Variants in PDZD2 observed in about 807,000 individuals in gnomAD.
PDZD2 encodes PDZ domain containing 2.
Under a neutral mutation model 220.7 loss-of-function variants are expected in PDZD2, and 90 were observed. The ratio of observed to expected loss-of-function variants is 0.41; its 90% CI spans 0.34 to 0.49. The LOEUF (loss-of-function observed/expected upper bound fraction) is 0.49, where lower values mean the gene tolerates loss of function less well. Ranked by LOEUF, PDZD2 falls within the 20% of genes least tolerant of loss-of-function variation. The pLI, the probability that PDZD2 is intolerant of heterozygous loss-of-function variation, is 0.28. For synonymous variants in PDZD2, 1,375 were observed against 1,450.5 expected, an observed-to-expected ratio of 0.95 and a Z score of 1.18; for missense variants, 3,174 against 3,608.5, an observed-to-expected ratio of 0.88 and a Z score of 3.08.
intron 1 of PDZD2, among the ~76,000 whole-genome samples, chr5:31,691,340 A>C (rs1362272181): frequency 1.3e-5 from 2 of 152,152 alleles, no homozygotes; most frequent in Non-Finnish European, 2.9e-5. Context: ...TCATAAAGGC[A>C]GTGTGGACCC....
chr5:31,735,990 A>G (rs2150160490), intron 1 of PDZD2, among the ~76,000 whole-genome samples: 1 of 152,128 alleles, frequency 6.6e-6, no homozygotes, highest in South Asian at 2.1e-4. Flanking sequence ...TATAGAGCAC[A>G]AAGGAATTCT....
intron 1 of PDZD2, among the ~76,000 whole-genome samples, chr5:31,788,908 A>T (rs1753542116): frequency 6.6e-6 from 1 of 152,202 alleles, no homozygotes; most frequent in Admixed American, 6.5e-5. Flanking sequence ...CGAGGCAGGA[A>T]CTCAGTAATA....
chr5:31,692,538 AT>A (rs905645007), intron 1 of PDZD2, among the ~76,000 whole-genome samples: 25 of 152,260 alleles, frequency 1.6e-4, no homozygotes, highest in Middle Eastern at 6.8e-3. Flanking sequence ...AGCCTGACTC[AT>A]TTTCCAACCC....
intron 2 of PDZD2, among the ~76,000 whole-genome samples, chr5:31,885,051 G>A (rs545517136): frequency 3.0e-4 from 45 of 151,380 alleles, no homozygotes; most frequent in Non-Finnish European, 5.7e-4. Context: ...AATAGATGAT[G>A]GATTAAGTGA....
chr5:31,942,101 C>T (rs147886930), intron 2 of PDZD2, among the ~76,000 whole-genome samples: 88 of 152,232 alleles, frequency 5.8e-4, no homozygotes, highest in African/African-American at 2.1e-3. Context: ...TTTTTAAAAT[C>T]GTTTTTACTC....
chr5:31,907,857 G>A (rs1294792620), intron 2 of PDZD2, among the ~76,000 whole-genome samples: 3 of 152,072 alleles, frequency 2.0e-5, no homozygotes, highest in Non-Finnish European at 4.4e-5. Context: ...GGCTGAGGCG[G>A]GCAGATTACG....
intron 21 of PDZD2, among the ~76,000 whole-genome samples, chr5:32,094,269 T>G (rs1743441611): frequency 6.6e-6 from 1 of 152,158 alleles, no homozygotes; most frequent in Admixed American, 6.5e-5. Flanking sequence ...ACAATAAACA[T>G]TGACAGAAGA....
intron 2 of PDZD2, among the ~76,000 whole-genome samples, chr5:31,934,607 T>TAAAAAAAA (rs5867117): frequency 8.5e-6 from 1 of 118,080 alleles, no homozygotes; most frequent in African/African-American, 3.3e-5. Flanking sequence ...ACCATCTAAT[T>TAAAAAAAA]AAAAAAAAAA....
Position 31,646,615 on chromosome 5 carries a change from AC to A in PDZD2, c.-361+7181del, listed in dbSNP as rs1173044062. Among the ~76,000 whole-genome samples the A allele has an allele frequency of 2.6e-5, 4 of 151,978 alleles. No homozygotes were observed. The highest frequency in any genetic ancestry group is 1.9e-4 in the East Asian group (1 of 5,190). On this transcript the variant is annotated intron_variant, in intron 1 of 24. Coordinates refer to ENST00000438447, the MANE Select transcript of PDZD2 (RefSeq NM_178140.4). This position sits in a 1 kb window ranked among gnomAD's most constrained non-coding sequence, Gnocchi z 4.7. ...GAACACCCCCCACCACCCGCCCAAC[AC>A]CCTCTTTCTGGCACAGTGTGTTTTA...
chr5:31,923,896 A>AGCTT (rs1744511265), intron 2 of PDZD2, among the ~76,000 whole-genome samples: 1 of 152,048 alleles, frequency 6.6e-6, no homozygotes, highest in Non-Finnish European at 1.5e-5. Flanking sequence ...TCCCCTGTCA[A>AGCTT]ATGAGAAGAA....
intron 6 of PDZD2, among the ~76,000 whole-genome samples, chr5:32,022,155 TGTC>T (rs1754247499): frequency 6.6e-6 from 1 of 151,926 alleles, no homozygotes; most frequent in African/African-American, 2.4e-5. Flanking sequence ...TTTCTGTACT[TGTC>T]TTCTTCTTTT....
chr5:31,900,901 G>A (rs1742036899), intron 2 of PDZD2, among the ~76,000 whole-genome samples: 1 of 152,098 alleles, frequency 6.6e-6, no homozygotes, highest in Admixed American at 6.5e-5. Flanking sequence ...AAAGGATTTT[G>A]CTGATAAATT....
chr5:32,000,603 C>T lies in PDZD2; in HGVS notation c.1254+332C>T, dbSNP rs1004470844. On this transcript the variant is annotated intron_variant, in intron 5 of 24. Coordinates refer to ENST00000438447, the MANE Select transcript of PDZD2 (RefSeq NM_178140.4). This position sits in a 1 kb window ranked among gnomAD's most constrained non-coding sequence, Gnocchi z 4.5. ...TCGGCTCACCGCAACCTCCACCTTC[C>T]GGATTCAAGCAGTTCTCCTGCCTCA... 5.3e-5 allele frequency among the ~76,000 whole-genome samples: 8 copies of T among 152,118 alleles called. No homozygotes were observed. Among genetic ancestry groups the T allele is most frequent in the African/African-American group, 1.9e-4 (8 of 41,406 alleles).
chr5:31,740,587 T>C lies in PDZD2; in HGVS notation c.-360-58302T>C, dbSNP rs530615338. Among the ~76,000 whole-genome samples the C allele has an allele frequency of 2.5e-4, 37 of 147,766 alleles. 1 individual carries two copies. In the South Asian group the frequency reaches 8.0e-3, roughly 32 times the overall value. ...GCTGTTGTCTGCAGCTGACCTGGGC[T>C]TAAGGGTTTTGGTACCCACTGACTG... On this transcript the variant is annotated intron_variant, in intron 1 of 24. Transcript: ENST00000438447.
intron 21 of PDZD2, 36 bp downstream of exon 21, chr5:32,093,060 G>A: frequency 9.0e-7 from 1 of 1,112,542 alleles, no homozygotes. Flanking sequence ...AACATGAATT[G>A]CGGCCGCGTG....
At chr5:31,792,941 C>A (rs1476806753) in intron 1 of PDZD2, among the ~76,000 whole-genome samples, 1 of 152,010 alleles carries the variant, frequency 6.6e-6, no homozygotes, top group Non-Finnish European at 1.5e-5. Context: ...CCGGTTCAAG[C>A]AATTCTCCTG....
At chr5:31,781,508 T>C (rs1753062560) in intron 1 of PDZD2, among the ~76,000 whole-genome samples, 1 of 152,230 alleles carries the variant, frequency 6.6e-6, no homozygotes, top group African/African-American at 2.4e-5. Context: ...GTGTTCTCCA[T>C]AGGCCATTGT....
At chr5:31,768,547 C>A (rs968480128) in intron 1 of PDZD2, among the ~76,000 whole-genome samples, 8 of 150,450 alleles carry the variant, frequency 5.3e-5, no homozygotes, top group African/African-American at 2.0e-4. Flanking sequence ...GAGGCTGAAG[C>A]AAGAGAATTG....
At chr5:31,861,435 C>T (rs1291312085) in intron 2 of PDZD2, among the ~76,000 whole-genome samples, 2 of 152,206 alleles carry the variant, frequency 1.3e-5, no homozygotes, top group Non-Finnish European at 2.9e-5. Context: ...TTCTGATTCT[C>T]ATTCTGATTC....
Sources: allele counts gnomAD v4.1 joint callset (sites outside exome capture counted in the v4.1 genomes callset), GRCh38; gene constraint gnomAD v4.1.1; non-coding constraint Gnocchi (gnomAD v3.1); transcripts MANE v1.5; gene names NCBI Gene and HGNC (gene_info 2026-07-23, HGNC 2026-07-21).